Variants in CCDC187 observed in about 807,000 individuals in gnomAD.
The protein encoded by CCDC187 is coiled-coil domain containing 187.
In CCDC187, 32 loss-of-function variants were observed where a neutral mutation model predicts 38.0. The ratio of observed to expected loss-of-function variants is 0.84; its 90% CI spans 0.64 to 1.13. The LOEUF (loss-of-function observed/expected upper bound fraction) is 1.13. Ranked by LOEUF, CCDC187 falls within the 50% of genes most tolerant of loss-of-function variation. The probability of loss-of-function intolerance (pLI) is 0.00; values close to 1 mark genes in which losing one functional copy is unlikely to be tolerated. For synonymous variants in CCDC187, 333 were observed against 347.9 expected, an observed-to-expected ratio of 0.96 and a Z score of 0.48; for missense variants, 707 against 786.8, an observed-to-expected ratio of 0.90 and a Z score of 1.21.
At chr9:136,263,485 C>G (rs949510717) in intron 18 of CCDC187, 137 bp downstream of exon 18, 5 of 507,220 alleles carry the variant, frequency 9.9e-6, no homozygotes, top group Non-Finnish European at 1.3e-5. Context: ...CCACCCGCCT[C>G]GGCCTCCCAA....
chr9:136,286,160 T>A lies in CCDC187; in HGVS notation c.2758A>T (p.Thr920Ser). The A allele has an allele frequency of 2.5e-6, 1 of 398,540 alleles. No homozygotes were observed. The allele number at this position is 398,540 out of a possible 1,614,324, so 24.7% of individuals were successfully genotyped here. A position where few individuals can be genotyped will look rare whatever the true frequency, so the allele number is the denominator to read the frequency against. ...TCCCAGCTGGGGCCCCACGACAGTGTCTCGCCGTCCAGGAAGTAGGTCGGG... is the reference window on the plus strand; with the variant it reads ...TCCCAGCTGGGGCCCCACGACAGTGACTCGCCGTCCAGGAAGTAGGTCGGG... ...LPPTYFLDGE[T>S]LSWGPSWEQQ... The change falls in exon 8 of 26, where the codon ACA becomes TCA. Residue 920 changes from threonine to serine, a missense_variant. By Grantham distance (58) the Thr-to-Ser change is moderately conservative. Coordinates refer to ENST00000638797, the MANE Select transcript of CCDC187 (RefSeq NM_001378188.1).
intron 9 of CCDC187, among the ~76,000 whole-genome samples, chr9:136,283,585 G>A (rs1005441787): frequency 2.6e-5 from 4 of 152,300 alleles, no homozygotes; most frequent in East Asian, 3.9e-4. Context: ...CTGCCGCCTC[G>A]GCAGGGCTGT....
chr9:136,293,266 T>C (rs1016097353), intron 4 of CCDC187, among the ~76,000 whole-genome samples: 6,125 of 122,636 alleles, frequency 0.05, 254 homozygotes, highest in Admixed American at 0.13. Context: ...CACTCACTCA[T>C]GCTTTCACAC....
intron 16 of CCDC187, 81 bp downstream of exon 16, chr9:136,267,303 G>C: frequency 2.1e-6 from 2 of 936,398 alleles, no homozygotes; most frequent in Non-Finnish European, 2.5e-6. Flanking sequence ...GGGCAGGGAG[G>C]GGGCGGGGCT....
At chr9:136,298,537 C>T (rs1228557661) in intron 3 of CCDC187, among the ~76,000 whole-genome samples, 3 of 152,184 alleles carry the variant, frequency 2.0e-5, no homozygotes, top group Non-Finnish European at 2.9e-5. Flanking sequence ...AGCCGCCATG[C>T]GAGAACCTGC....
intron 4 of CCDC187, among the ~76,000 whole-genome samples, 168 bp downstream of exon 4, chr9:136,297,546 C>T (rs1002467590): frequency 0.13 from 19,540 of 152,092 alleles, 1,433 homozygotes; most frequent in Middle Eastern, 0.22. Context: ...CCAGCCCTGA[C>T]GCTCCAGCCG....
intron 7 of CCDC187, among the ~76,000 whole-genome samples, chr9:136,289,562 G>C (rs1447685131): frequency 6.6e-6 from 1 of 151,242 alleles, no homozygotes; most frequent in East Asian, 1.9e-4. Flanking sequence ...AATCCGTCGA[G>C]GCAGAAAGGA....
At chr9:136,279,539 C>T (rs1830999324) in intron 10 of CCDC187, among the ~76,000 whole-genome samples, 2 of 152,244 alleles carry the variant, frequency 1.3e-5, no homozygotes, top group African/African-American at 4.8e-5. Context: ...CTTGGGAGAT[C>T]CTGGCCAAGA....
chr9:136,295,383 C>T (rs914985468), intron 4 of CCDC187, among the ~76,000 whole-genome samples: 7 of 152,322 alleles, frequency 4.6e-5, no homozygotes, highest in South Asian at 4.1e-4. Flanking sequence ...TTTTTTCTTC[C>T]GCTGAGCAGT....
rs987440731 is a variant in CCDC187 at position 136,287,432 on chromosome 9, C to T, written c.2223-737G>A. Among the ~76,000 whole-genome samples the T allele has an allele frequency of 3.3e-3, 502 of 152,350 alleles. 6 individuals carry two copies. The highest frequency in any genetic ancestry group is 0.012 in the African/African-American group (488 of 41,580). On this transcript the variant is annotated intron_variant, in intron 7 of 25. Transcript: ENST00000638797. ...CAAGGAGCTGAAACGCACCAGATCA[C>T]CGCAACTGGACAATGAGACGCCAGA...
intron 19 of CCDC187, 131 bp from the exon 20 acceptor site, chr9:136,260,395 G>T: frequency 1.9e-6 from 1 of 530,664 alleles, no homozygotes; most frequent in Non-Finnish European, 2.4e-6. Flanking sequence ...GGATGGCTGT[G>T]GTCAGTGGCC....
At chr9:136,255,799 A>G in intron 24 of CCDC187, 66 bp from the exon 25 acceptor site, 4 of 801,458 alleles carry the variant, frequency 5.0e-6, no homozygotes, top group Non-Finnish European at 6.0e-6. Flanking sequence ...CCCAGGGCCC[A>G]CTGTCAGGGA....
chr9:136,297,965 G>A (rs936833579), intron 3 of CCDC187, 144 bp from the exon 4 acceptor site: 10,351 of 393,428 alleles, frequency 0.026, 197 homozygotes, highest in African/African-American at 0.054. Flanking sequence ...CCTGCTTGGC[G>A]AGAGCCAGGG....
Position 136,290,902 on chromosome 9 carries a change from G to T in CCDC187, c.1711C>A (p.Arg571=). The T allele has an allele frequency of 2.5e-6, 1 of 398,516 alleles. No individual in the cohort carries two copies. Among genetic ancestry groups the T allele is most frequent in the Non-Finnish European group, 4.4e-6 (1 of 226,044 alleles). The allele number at this position is 398,516 out of a possible 1,614,324, so 24.7% of individuals were successfully genotyped here. A position where few individuals can be genotyped will look rare whatever the true frequency, so the allele number is the denominator to read the frequency against. Reference sequence around the variant, plus strand: ...TGCACGCCGGAGCTGCTCCAGGGCCGCTGGGCTGGAGGACTGGGCCTTTCC... The same window carrying T: ...TGCACGCCGGAGCTGCTCCAGGGCCTCTGGGCTGGAGGACTGGGCCTTTCC... ...PLERPSPPAQ[R]PWSSSGVQRA... is the part of the protein sequence containing the mutation. Residue 571 remains arginine (R), a synonymous_variant, in exon 6 of 26, where the codon CGG becomes AGG. Transcript: ENST00000638797.
intron 10 of CCDC187, among the ~76,000 whole-genome samples, chr9:136,277,286 G>T (rs1830949353): frequency 7.4e-6 from 1 of 135,810 alleles, no homozygotes; most frequent in Non-Finnish European, 1.6e-5. Context: ...GGACAGGGTG[G>T]GTGGGTGATG....
At chr9:136,302,755 C>T (rs1831715983) in intron 2 of CCDC187, 57 bp downstream of exon 2, 2 of 399,108 alleles carry the variant, frequency 5.0e-6, no homozygotes, top group African/African-American at 2.1e-5. Context: ...GCCCGCTTTC[C>T]ACCCTCCCGA....
chr9:136,294,478 G>A (rs1266041063), intron 4 of CCDC187, among the ~76,000 whole-genome samples: 1 of 152,226 alleles, frequency 6.6e-6, no homozygotes, highest in Non-Finnish European at 1.5e-5. Context: ...CAAGACCACT[G>A]TGGAGTCTCA....
chr9:136,284,164 C>G (rs879036757), intron 9 of CCDC187, among the ~76,000 whole-genome samples: 102,361 of 151,506 alleles, frequency 0.68, 34,604 homozygotes, highest in East Asian at 0.77. Context: ...GGCTGGGCTT[C>G]GGGAGAGGGC....
In CCDC187 at chr9:136,254,186, G is replaced by C. The variant is rs1830583905; in HGVS notation, c.5642C>G (p.Ala1881Gly). The change falls in exon 26 of 26, where the codon GCC (alanine) becomes GGC (glycine). Residue 1881 changes from alanine (A) to glycine (G), a missense_variant. Ala to Gly is a moderately conservative substitution (Grantham distance 60). Transcript: ENST00000638797. ...GACCAGCAGTGAGTCCGAGTCACCG[G>C]CAGAAGAGATTTGCAGCGGGAACAC... ...GVVFPLQISS[A>G]GDSDSLLVFP... 3.0e-6 allele frequency: 3 copies of C among 985,362 alleles called. No individual in the cohort carries two copies. Among genetic ancestry groups the C allele is most frequent in the Admixed American group, 6.1e-5 (1 of 16,270 alleles). 61.0% of individuals were successfully genotyped at this position (985,362 alleles called of 1,614,324 possible).
Sources: gnomAD v4.1 joint callset for allele counts (sites outside exome capture counted in the v4.1 genomes callset) on GRCh38, gnomAD v4.1.1 for gene constraint, MANE v1.5 for transcripts, NCBI Gene and HGNC (gene_info 2026-07-23, HGNC 2026-07-21) for gene names.